Variants in LPAR3 observed in about 807,000 individuals in gnomAD.
The protein encoded by LPAR3 is LPA receptor 3.
A neutral mutation model predicts 17.8 loss-of-function variants in LPAR3; 7 were observed. That is an observed-to-expected ratio of 0.39 (90% CI 0.22 to 0.74). LPAR3 has a LOEUF of 0.74. LPAR3 is among the 30% of genes least tolerant of loss of function. The pLI is 0.40. For missense variants in LPAR3, 391 were observed against 453.4 expected, an observed-to-expected ratio of 0.86 and a Z score of 1.25; for synonymous variants, 179 against 179.9, an observed-to-expected ratio of 0.99 and a Z score of 0.04.
At chr1:84,853,951 G>C (rs1253731976) in intron 2 of LPAR3, among the ~76,000 whole-genome samples, 1 of 152,146 alleles carries the variant, frequency 6.6e-6, no homozygotes, top group Non-Finnish European at 1.5e-5. Context: ...TTTACACAGG[G>C]CATGATCTGT....
rs573488622 is a variant in LPAR3 at position 84,852,082 on chromosome 1, C to T, written c.736+13303G>A. Among the ~76,000 whole-genome samples the T allele has an allele frequency of 9.9e-4, 145 of 146,924 alleles. 1 individual carries two copies. Among genetic ancestry groups the T allele is most frequent in the African/African-American group, 3.6e-3 (141 of 39,694 alleles). On this transcript the variant is annotated intron_variant, in intron 2 of 2. Coordinates refer to ENST00000370611, the MANE Select transcript of LPAR3 (RefSeq NM_012152.3). ...TTTTTTTTTTTTTGAGTTGGAGTCT[C>T]GCTCTGTCACCAGGGTGGAATGCAG...
intron 2 of LPAR3, among the ~76,000 whole-genome samples, chr1:84,820,344 G>A (rs1289891167): frequency 6.6e-6 from 1 of 152,214 alleles, no homozygotes; most frequent in Non-Finnish European, 1.5e-5. Flanking sequence ...CAGGAGATGA[G>A]CCAGGTGAAT....
At chr1:84,847,098 T>C (rs181139177) in intron 2 of LPAR3, among the ~76,000 whole-genome samples, 1 of 152,344 alleles carries the variant, frequency 6.6e-6, no homozygotes, top group African/African-American at 2.4e-5. Context: ...TTTGTTCTTT[T>C]AGTCATCCAA....
intron 2 of LPAR3, among the ~76,000 whole-genome samples, chr1:84,826,767 A>G (rs1046419688): frequency 6.6e-6 from 1 of 152,206 alleles, no homozygotes; most frequent in Non-Finnish European, 1.5e-5. Flanking sequence ...CCAAAATCCT[A>G]GCACATATAA....
At chr1:84,846,850 T>C (rs1479663303) in intron 2 of LPAR3, among the ~76,000 whole-genome samples, 3 of 152,186 alleles carry the variant, frequency 2.0e-5, no homozygotes, top group Admixed American at 6.5e-5. Context: ...TTTTAAGACA[T>C]ACAAGCAGAA....
chr1:84,865,076 TA>T (rs1660012345), intron 2 of LPAR3, among the ~76,000 whole-genome samples: 1 of 152,174 alleles, frequency 6.6e-6, no homozygotes, highest in Non-Finnish European at 1.5e-5. Context: ...AACACTTTTT[TA>T]AAGTGCAAAC....
chr1:84,820,412 G>A (rs1042533560), intron 2 of LPAR3, among the ~76,000 whole-genome samples: 4 of 152,200 alleles, frequency 2.6e-5, no homozygotes, highest in African/African-American at 9.7e-5. Flanking sequence ...TGGACCTGAC[G>A]ACTCTAACTC....
At chr1:84,833,232 C>A (rs1300823925) in intron 2 of LPAR3, among the ~76,000 whole-genome samples, 1 of 152,102 alleles carries the variant, frequency 6.6e-6, no homozygotes, top group Non-Finnish European at 1.5e-5. Flanking sequence ...CTGCTGCCCC[C>A]TAGGAAAAAC....
chr1:84,859,880 T>C (rs773119975), intron 2 of LPAR3, among the ~76,000 whole-genome samples: 1 of 152,198 alleles, frequency 6.6e-6, no homozygotes, highest in Non-Finnish European at 1.5e-5. Flanking sequence ...GTTCACATGG[T>C]GTGTTGTTTG....
At chr1:84,851,986 A>G (rs1659722733) in intron 2 of LPAR3, among the ~76,000 whole-genome samples, 1 of 152,094 alleles carries the variant, frequency 6.6e-6, no homozygotes, top group South Asian at 2.1e-4. Context: ...AGCAACACAC[A>G]GCAAGTCTTG....
chr1:84,834,516 T>A (rs1291548440), intron 2 of LPAR3, among the ~76,000 whole-genome samples: 2 of 152,222 alleles, frequency 1.3e-5, no homozygotes, highest in African/African-American at 4.8e-5. Flanking sequence ...GGTTTTATTA[T>A]GAATCACCTT....
intron 2 of LPAR3, among the ~76,000 whole-genome samples, chr1:84,833,436 C>G (rs1659331820): frequency 1.3e-5 from 2 of 152,166 alleles, no homozygotes; most frequent in Admixed American, 1.3e-4. Context: ...ATAAATCCCC[C>G]TCCTGGGATT....
At chr1:84,888,365 A>C (rs942978001) in intron 1 of LPAR3, among the ~76,000 whole-genome samples, 4 of 152,186 alleles carry the variant, frequency 2.6e-5, no homozygotes, top group Non-Finnish European at 5.9e-5. Context: ...ACTTACTAAA[A>C]ATCAAACAGG....
At chr1:84,836,006 CTTTTTTTTTTTTT>C (rs34491570) in intron 2 of LPAR3, among the ~76,000 whole-genome samples, 2 of 61,742 alleles carry the variant, frequency 3.2e-5, no homozygotes, top group African/African-American at 6.6e-5. Flanking sequence ...CAACCCCGGC[CTTTTTTTTTTTTT>C]TTTTTTTTTT....
intron 2 of LPAR3, among the ~76,000 whole-genome samples, chr1:84,837,946 C>T (rs1659436449): frequency 6.6e-6 from 1 of 152,154 alleles, no homozygotes; most frequent in South Asian, 2.1e-4. Flanking sequence ...TCTAGGACAT[C>T]TACTTGTGAA....
At chr1:84,860,220 C>T (rs1659912856) in intron 2 of LPAR3, among the ~76,000 whole-genome samples, 1 of 152,198 alleles carries the variant, frequency 6.6e-6, no homozygotes, top group South Asian at 2.1e-4. Flanking sequence ...ACTACCACCA[C>T]TACCCTCAAG....
intron 1 of LPAR3, among the ~76,000 whole-genome samples, chr1:84,891,452 T>C (rs1660550393): frequency 6.6e-6 from 1 of 152,202 alleles, no homozygotes; most frequent in African/African-American, 2.4e-5. Context: ...CAGGGTTTGC[T>C]CGCTCGTCTT....
At chr1:84,815,846 G>A (rs1343578374) in intron 2 of LPAR3, among the ~76,000 whole-genome samples, 1 of 152,162 alleles carries the variant, frequency 6.6e-6, no homozygotes, top group South Asian at 2.1e-4. Context: ...TAGCTAGCAG[G>A]GGGGTTGAAT....
intron 2 of LPAR3, among the ~76,000 whole-genome samples, chr1:84,839,121 CTT>C (rs1659460058): frequency 6.6e-6 from 1 of 152,216 alleles, no homozygotes; most frequent in Admixed American, 6.5e-5. Flanking sequence ...ATCATGGTCT[CTT>C]TTCATAGATT....
Sources: allele counts gnomAD v4.1 joint callset (sites outside exome capture counted in the v4.1 genomes callset), GRCh38; gene constraint gnomAD v4.1.1; transcripts MANE v1.5; gene names NCBI Gene and HGNC (gene_info 2026-07-23, HGNC 2026-07-21).